Variants in ROR2 observed in about 807,000 individuals in gnomAD.
The protein encoded by ROR2 is tyrosine-protein kinase transmembrane receptor ROR2.
A neutral mutation model predicts 74.9 loss-of-function variants in ROR2; 33 were observed. The observed-to-expected ratio is 0.44, with a 90% CI of 0.33 to 0.59. The LOEUF is 0.59. Ranked by LOEUF, ROR2 falls within the 20% of genes least tolerant of loss-of-function variation. ROR2 has a pLI of 0.02. For synonymous variants in ROR2, 586 were observed against 558.7 expected, an observed-to-expected ratio of 1.05 and a Z score of -0.69; for missense variants, 1,216 against 1,313.8, an observed-to-expected ratio of 0.93 and a Z score of 1.15.
chr9:91,803,727 G>A (rs1827463324), intron 1 of ROR2, among the ~76,000 whole-genome samples: 1 of 152,184 alleles, frequency 6.6e-6, no homozygotes, highest in Non-Finnish European at 1.5e-5. Flanking sequence ...TCCTTGGGGG[G>A]CCCACAGCCC....
intron 1 of ROR2, among the ~76,000 whole-genome samples, chr9:91,945,302 C>A (rs1412463298): frequency 6.6e-6 from 1 of 152,172 alleles, no homozygotes; most frequent in Non-Finnish European, 1.5e-5. Flanking sequence ...ACAGCACAAG[C>A]CTACAATGAG....
intron 1 of ROR2, among the ~76,000 whole-genome samples, chr9:91,822,214 C>T (rs1258304199): frequency 1.3e-5 from 2 of 152,190 alleles, no homozygotes; most frequent in Admixed American, 1.3e-4. Flanking sequence ...GAGCTGGTTA[C>T]TGAAGGGCCT....
intron 1 of ROR2, among the ~76,000 whole-genome samples, chr9:91,814,435 G>A (rs1400586123): frequency 6.6e-6 from 1 of 152,156 alleles, no homozygotes; most frequent in East Asian, 1.9e-4. Context: ...TCATTCAGGT[G>A]AGACAGGCTC....
chr9:91,934,228 G>GT (rs1008176842), intron 1 of ROR2, among the ~76,000 whole-genome samples: 2 of 152,010 alleles, frequency 1.3e-5, no homozygotes, highest in African/African-American at 4.8e-5. Context: ...GTTTTTTCTT[G>GT]TTTTTTACTT....
intron 1 of ROR2, among the ~76,000 whole-genome samples, chr9:91,828,094 T>C (rs764746939): frequency 1.3e-5 from 2 of 152,274 alleles, no homozygotes; most frequent in African/African-American, 4.8e-5. Context: ...TTTAAATGTT[T>C]GCTACCTTCA....
At chr9:91,816,802 T>C (rs1325351373) in intron 1 of ROR2, among the ~76,000 whole-genome samples, 1 of 150,650 alleles carries the variant, frequency 6.6e-6, no homozygotes, top group African/African-American at 2.4e-5. Context: ...AGTGAGGGTA[T>C]GGGAGAAGGG....
chr9:91,859,197 C>CTTTTTT (rs541283275), intron 1 of ROR2, among the ~76,000 whole-genome samples: 33 of 121,320 alleles, frequency 2.7e-4, no homozygotes, highest in African/African-American at 8.6e-4. Context: ...GAAAGTATTC[C>CTTTTTT]TTTTTTTTTT....
intron 1 of ROR2, among the ~76,000 whole-genome samples, chr9:91,859,612 C>G (rs1829407890): frequency 6.6e-6 from 1 of 152,030 alleles, no homozygotes; most frequent in Non-Finnish European, 1.5e-5. Flanking sequence ...CACCAGAAGT[C>G]AGGAGTTCAA....
chr9:91,898,071 C>T (rs1830582922), intron 1 of ROR2, among the ~76,000 whole-genome samples: 1 of 152,142 alleles, frequency 6.6e-6, no homozygotes, highest in Non-Finnish European at 1.5e-5. Flanking sequence ...ACCCCTGGGC[C>T]TCTCTGACTC....
At chr9:91,803,908 T>A (rs1490094054) in intron 1 of ROR2, among the ~76,000 whole-genome samples, 1 of 152,242 alleles carries the variant, frequency 6.6e-6, no homozygotes, top group Non-Finnish European at 1.5e-5. Flanking sequence ...TGCAACTCCA[T>A]GGCATAAAAC....
At chr9:91,834,997 C>T (rs1054567989) in intron 1 of ROR2, among the ~76,000 whole-genome samples, 1 of 151,102 alleles carries the variant, frequency 6.6e-6, no homozygotes, top group East Asian at 2.0e-4. Context: ...TGGGCACAAA[C>T]GTCACTGTGG....
At chr9:91,816,766 T>C (rs193213841) in intron 1 of ROR2, among the ~76,000 whole-genome samples, 3 of 137,280 alleles carry the variant, frequency 2.2e-5, no homozygotes, top group African/African-American at 5.4e-5. Flanking sequence ...TGTCAGTCCA[T>C]GGAGGATTTA....
intron 1 of ROR2, chr9:91,883,182 G>A (rs1830164892): frequency 1.3e-5 from 2 of 152,158 alleles, no homozygotes; most frequent in Non-Finnish European, 2.9e-5. Context: ...TCAGACTAAA[G>A]GATAGTTGGC....
At chr9:91,807,810 G>C (rs1216012596) in intron 1 of ROR2, among the ~76,000 whole-genome samples, 1 of 152,126 alleles carries the variant, frequency 6.6e-6, no homozygotes, top group Non-Finnish European at 1.5e-5. Flanking sequence ...AGTTTTTCCA[G>C]AACAGGCCTG....
intron 1 of ROR2, among the ~76,000 whole-genome samples, chr9:91,865,997 TGCGTGGTACAATATTG>T (rs1829620839): frequency 6.6e-6 from 1 of 152,238 alleles, no homozygotes; most frequent in Non-Finnish European, 1.5e-5. Flanking sequence ...TCCAGCCAGG[TGCGTGGTACAATATTG>T]GCATCACAGT....
chr9:91,886,924 T>A (rs139140023), intron 1 of ROR2: 312 of 152,278 alleles, frequency 2.0e-3, no homozygotes, highest in African/African-American at 6.9e-3. Flanking sequence ...CAGAAGGGAC[T>A]CCCCTGACAG....
chr9:91,915,664 G>A (rs932173218), intron 1 of ROR2, among the ~76,000 whole-genome samples: 1 of 151,952 alleles, frequency 6.6e-6, no homozygotes, highest in African/African-American at 2.4e-5. Flanking sequence ...GCGGGGGGAG[G>A]TGGCCAGCTT....
intron 1 of ROR2, among the ~76,000 whole-genome samples, chr9:91,798,474 G>A (rs1438328290): frequency 8.7e-6 from 1 of 115,118 alleles, no homozygotes. Context: ...GGGCTCTGTA[G>A]GTGGGGAATG....
rs1268506402 is a variant in ROR2, at chr9:91,733,542, C to T, written c.623-106G>A. 8.0e-7 allele frequency: 1 copy of T among 1,253,532 alleles called. No individual in the cohort carries two copies. The highest frequency in any genetic ancestry group is 2.6e-5 in the East Asian group (1 of 39,174). 77.7% of individuals were successfully genotyped at this position (1,253,532 alleles called of 1,614,324 possible). A position where few individuals can be genotyped will look rare whatever the true frequency, so the allele number is the denominator to read the frequency against. On this transcript the variant is annotated intron_variant, in intron 5 of 8. Transcript: ENST00000375708. The surrounding 1 kb of genome is among the most constrained non-coding windows in gnomAD (Gnocchi z 5.7). Reference sequence around the variant, plus strand: ...GCATCCCAGACTGCCCACTCAGCCCCCTGATGCCCCGCCCCGCCCCAGACT... The same window carrying T: ...GCATCCCAGACTGCCCACTCAGCCCTCTGATGCCCCGCCCCGCCCCAGACT...
Sources: allele counts gnomAD v4.1 joint callset (sites outside exome capture counted in the v4.1 genomes callset), GRCh38; gene constraint gnomAD v4.1.1; non-coding constraint Gnocchi (gnomAD v3.1); transcripts MANE v1.5; gene names NCBI Gene and HGNC (gene_info 2026-07-23, HGNC 2026-07-21).